Variants in EML2 observed in about 807,000 individuals in gnomAD.
The protein encoded by EML2 is EMAP like 2.
EML2 carries 59 observed loss-of-function variants against 84.7 expected under a neutral mutation model. That is an observed-to-expected ratio of 0.70 (90% CI 0.56 to 0.86). The LOEUF (loss-of-function observed/expected upper bound fraction) is 0.86. Ranked by LOEUF, EML2 falls within the 40% of genes least tolerant of loss-of-function variation. The pLI, the probability that EML2 is intolerant of heterozygous loss-of-function variation, is 0.00. For synonymous variants in EML2, 352 were observed against 348.9 expected, an observed-to-expected ratio of 1.01 and a Z score of -0.10; for missense variants, 818 against 855.6, an observed-to-expected ratio of 0.96 and a Z score of 0.55.
Position 45,639,046 on chromosome 19 carries a change from A to G in EML2, c.21-173T>C, listed in dbSNP as rs775688388. 5 of 857,676 alleles carry G rather than the reference A, an allele frequency of 5.8e-6. No individual in the cohort carries two copies. The East Asian group carries it at 1.2e-4, about 21-fold the overall frequency. The allele number at this position is 857,676 out of a possible 1,614,324, so 53.1% of individuals were successfully genotyped here. A position where few individuals can be genotyped will look rare whatever the true frequency, so the allele number is the denominator to read the frequency against. ...GTGTGCTTTGCTCGGTTGATCTTGC[A>G]GAGCCTAAGACACAGGCCCAGAGAG... On this transcript the variant is annotated intron_variant, in intron 1 of 18. Coordinates refer to ENST00000245925, the MANE Select transcript of EML2 (RefSeq NM_012155.4).
rs546023755 is a variant in EML2 at position 45,619,054 on chromosome 19, C to A, written c.1254+6G>T. On this transcript the variant is annotated splice_donor_region_variant and intron_variant, in intron 12 of 18. Coordinates refer to ENST00000245925, the MANE Select transcript of EML2 (RefSeq NM_012155.4). ...ATGGTGCTTTTCCAGTCCCCGGGCC[C>A]CTTACCTCGATGATCCTGCTCCACA... is the stretch of plus-strand genomic sequence containing the variant. 3.7e-6 allele frequency: 6 copies of A among 1,605,648 alleles called. No homozygotes were observed. The South Asian group carries it at 6.6e-5, about 18-fold the overall frequency.
intron 8 of EML2, among the ~76,000 whole-genome samples, chr19:45,626,210 C>T (rs1328736703): frequency 6.6e-6 from 1 of 151,080 alleles, no homozygotes; most frequent in Non-Finnish European, 1.5e-5. Flanking sequence ...TGAGGTCTCA[C>T]CATGTTCCCC....
chr19:45,636,712 C>A (rs542269056), intron 3 of EML2, among the ~76,000 whole-genome samples: 2 of 152,210 alleles, frequency 1.3e-5, no homozygotes, highest in African/African-American at 4.8e-5. Flanking sequence ...TTTGGGAGGC[C>A]GAGGCAGGTG....
chr19:45,643,160 T>C (rs1568500340), upstream of EML2, among the ~76,000 whole-genome samples: 1 of 152,190 alleles, frequency 6.6e-6, no homozygotes, highest in Non-Finnish European at 1.5e-5. Flanking sequence ...CTGTTATGAA[T>C]ACCAACGTCT....
chr19:45,636,751 A>G (rs1973770908), intron 3 of EML2, among the ~76,000 whole-genome samples: 1 of 152,236 alleles, frequency 6.6e-6, no homozygotes, highest in African/African-American at 2.4e-5. Context: ...GTCCAAGACC[A>G]GCCTGGCCAA....
chr19:45,622,943 G>A (rs997999751), intron 9 of EML2, among the ~76,000 whole-genome samples: 1 of 151,354 alleles, frequency 6.6e-6, no homozygotes, highest in African/African-American at 2.4e-5. Context: ...CAGCTACTTG[G>A]GAGGCTGAGG....
chr19:45,621,127 G>T (rs1971638303), intron 11 of EML2, 80 bp downstream of exon 11: 4 of 1,544,920 alleles, frequency 2.6e-6, no homozygotes, highest in African/African-American at 1.4e-5. Context: ...AACTGGGAGT[G>T]GGGAGGGGGA....
At chr19:45,643,738 C>G (rs1974808827), upstream of EML2, 1 of 1,524,528 alleles carries the variant, frequency 6.6e-7, no homozygotes, top group Non-Finnish European at 8.8e-7. Flanking sequence ...GCAGCCGCCG[C>G]TCCTCCCTCC....
At chr19:45,637,473 T>A (rs1263072782) in intron 3 of EML2, among the ~76,000 whole-genome samples, 1 of 140,196 alleles carries the variant, frequency 7.1e-6, no homozygotes, top group Non-Finnish European at 1.5e-5. Context: ...ATTTTGGATT[T>A]TTTTTTTTTT....
intron 4 of EML2, 49 bp downstream of exon 4, chr19:45,634,273 T>C: frequency 6.2e-7 from 1 of 1,609,422 alleles, no homozygotes; most frequent in Non-Finnish European, 8.5e-7. Flanking sequence ...GGGCTGGAGC[T>C]CCATCTCCAG....
At chr19:45,625,545 T>A (rs2122699217) in intron 8 of EML2, among the ~76,000 whole-genome samples, 1 of 152,116 alleles carries the variant, frequency 6.6e-6, no homozygotes, top group East Asian at 1.9e-4. Context: ...CCCAGCCTGG[T>A]CCCCCTGACT....
At chr19:45,635,583 C>CTTTTTTTT (rs1172930803) in intron 3 of EML2, among the ~76,000 whole-genome samples, 2 of 108,484 alleles carry the variant, frequency 1.8e-5, no homozygotes, top group African/African-American at 7.2e-5. Context: ...TGTCTGTTTC[C>CTTTTTTTT]TTTTTTTTTT....
rs1971413616 is a variant in EML2, at chr19:45,619,122, C to T, written c.1192G>A (p.Asp398Asn). 1.2e-6 allele frequency: 2 copies of T among 1,613,180 alleles called. No individual in the cohort carries two copies. Among genetic ancestry groups the T allele is most frequent in the Non-Finnish European group, 1.7e-6 (2 of 1,179,862 alleles). Reference protein sequence around the residue: ...SRAQFVTCGQDKLVHLWSSDS... With the variant: ...SRAQFVTCGQNKLVHLWSSDS... ...GAGCTCCATAGATGCACCAGCTTAT[C>T]CTGCCCGCAGGTCACAAACTGGGCC... is the stretch of plus-strand genomic sequence containing the variant. Residue 398 changes from aspartate to asparagine, a missense_variant, in exon 12 of 19, where the codon GAT becomes AAT. Physicochemically the swap from Asp to Asn is conservative, Grantham distance 23 (BLOSUM62 1). Transcript: ENST00000245925.
At chr19:45,634,241 G>T (rs1973433242) in intron 4 of EML2, 81 bp downstream of exon 4, 2 of 1,588,124 alleles carry the variant, frequency 1.3e-6, no homozygotes, top group South Asian at 2.2e-5. Context: ...GTAGCAATGT[G>T]AAAAGAGGCA....
intron 3 of EML2, 80 bp downstream of exon 3, chr19:45,638,425 C>G: frequency 6.3e-7 from 1 of 1,596,906 alleles, no homozygotes; most frequent in Non-Finnish European, 8.5e-7. Flanking sequence ...GCTGAGATTA[C>G]AGGCCTGAGC....
chr19:45,627,607 A>T (rs747114351), intron 7 of EML2, among the ~76,000 whole-genome samples: 60 of 152,206 alleles, frequency 3.9e-4, no homozygotes, highest in Middle Eastern at 6.8e-3. Context: ...CAAGCCAGCG[A>T]AGCATTATCA....
Position 45,616,494 on chromosome 19 carries a change from G to A in EML2, c.1476C>T (p.Gly492=). ...NLVYVYTVDQ[G]GRKVSRLGKC... ...TGCCCAGGCGGCTGACCTTGCGGCC[G>A]CCCTGGTCCACCGTGTACACGTACA... is the stretch of plus-strand genomic sequence containing the variant. The change falls in exon 15 of 19, where the codon GGC becomes GGT. Residue 492 remains glycine (G), a synonymous_variant. Coordinates refer to ENST00000245925, the MANE Select transcript of EML2 (RefSeq NM_012155.4). The A allele has an allele frequency of 6.3e-7, 1 of 1,596,434 alleles. No homozygotes were observed. The highest frequency in any genetic ancestry group is 8.6e-7 in the Non-Finnish European group (1 of 1,166,430).
intron 8 of EML2, among the ~76,000 whole-genome samples, chr19:45,625,532 G>A (rs1042309995): frequency 2.6e-5 from 4 of 151,912 alleles, no homozygotes; most frequent in East Asian, 1.9e-4. Context: ...GTGAGCCACC[G>A]CACCCAGCCT....
chr19:45,615,271 C>T lies in EML2; in HGVS notation c.1597+531G>A, dbSNP rs747203736. Among the ~76,000 whole-genome samples the T allele has an allele frequency of 8.4e-4, 127 of 151,334 alleles. 1 individual carries two copies. The highest frequency in any genetic ancestry group is 3.1e-3 in the Admixed American group (47 of 15,134). On this transcript the variant is annotated intron_variant, in intron 16 of 18. Transcript: ENST00000245925. ...AAGAGAATCGCTTGAACCTGGGAGG[C>T]GGAGGCTGCAGTGAGCCGACATCGT... is the stretch of plus-strand genomic sequence containing the variant.
Sources: gnomAD v4.1 joint callset for allele counts (sites outside exome capture counted in the v4.1 genomes callset) on GRCh38, gnomAD v4.1.1 for gene constraint, MANE v1.5 for transcripts, NCBI Gene and HGNC (gene_info 2026-07-23, HGNC 2026-07-21) for gene names.